Variants in METAP1 observed in about 807,000 individuals in gnomAD.
The protein encoded by METAP1 is methionine aminopeptidase 1.
In METAP1, 28 loss-of-function variants were observed where a neutral mutation model predicts 53.8. That is an observed-to-expected ratio of 0.52 (90% CI 0.39 to 0.71). The LOEUF (loss-of-function observed/expected upper bound fraction) is 0.71, where lower values mean the gene tolerates loss of function less well. METAP1 is among the 30% of genes least tolerant of loss of function. The pLI, the probability that METAP1 is intolerant of heterozygous loss-of-function variation, is 0.00. For missense variants in METAP1, 389 were observed against 479.8 expected, an observed-to-expected ratio of 0.81 and a Z score of 1.77; for synonymous variants, 181 against 165.7, an observed-to-expected ratio of 1.09 and a Z score of -0.71.
intron 4 of METAP1, among the ~76,000 whole-genome samples, chr4:99,038,209 C>G (rs1034262582): frequency 2.6e-5 from 4 of 151,992 alleles, no homozygotes; most frequent in African/African-American, 9.7e-5. Context: ...TCTAGAGATA[C>G]ATAATCACAT....
chr4:99,002,449 G>A (rs951416794), intron 1 of METAP1, among the ~76,000 whole-genome samples: 1 of 152,138 alleles, frequency 6.6e-6, no homozygotes, highest in African/African-American at 2.4e-5. Flanking sequence ...TTTTATTCAT[G>A]CTTGGGCAGG....
chr4:99,000,067 A>G (rs1021512413), intron 1 of METAP1, among the ~76,000 whole-genome samples: 2 of 152,250 alleles, frequency 1.3e-5, no homozygotes. Context: ...ACATGAAAGA[A>G]AAGACATCAG....
At chr4:99,009,515 C>A (rs1723367221) in intron 1 of METAP1, among the ~76,000 whole-genome samples, 1 of 152,118 alleles carries the variant, frequency 6.6e-6, no homozygotes, top group African/African-American at 2.4e-5. Flanking sequence ...CTCCATATCC[C>A]CACCAACATT....
intron 1 of METAP1, among the ~76,000 whole-genome samples, chr4:99,001,511 G>T (rs994766097): frequency 1.2e-4 from 18 of 152,270 alleles, no homozygotes; most frequent in Admixed American, 1.2e-3. Flanking sequence ...TTACAAAAAT[G>T]GCAACCATAA....
chr4:99,005,122 A>T (rs992546660), intron 1 of METAP1, among the ~76,000 whole-genome samples: 6 of 152,312 alleles, frequency 3.9e-5, no homozygotes, highest in Middle Eastern at 3.4e-3. Flanking sequence ...TTGTACTTCA[A>T]AATAAATAAT....
chr4:99,022,762 A>G, intron 1 of METAP1: 1 of 1,602,018 alleles, frequency 6.2e-7, no homozygotes. Context: ...TGTTGTGTAG[A>G]CTGGCCGCCA....
intron 1 of METAP1, among the ~76,000 whole-genome samples, chr4:99,027,450 G>A (rs1398183308): frequency 6.6e-6 from 1 of 152,008 alleles, no homozygotes; most frequent in Admixed American, 6.5e-5. Context: ...GACATGGTTT[G>A]TGAAAAGTCC....
At chr4:98,997,715 C>T (rs1722704256) in intron 1 of METAP1, among the ~76,000 whole-genome samples, 1 of 152,130 alleles carries the variant, frequency 6.6e-6, no homozygotes, top group Non-Finnish European at 1.5e-5. Flanking sequence ...GAAAACAAAA[C>T]ATCTAGGGTT....
chr4:99,061,668 T>G lies in METAP1; in HGVS notation c.*351T>G, dbSNP rs1173647063. ...CAGGTGAACATTGGAAATGAGAATC[T>G]TTGAAACTTAGCAATATGTGTTGCA... On this transcript the variant is annotated 3_prime_UTR_variant, in exon 11 of 11. Transcript: ENST00000296411. 1 of 171,974 alleles carries G rather than the reference T, an allele frequency of 5.8e-6. No individual in the cohort carries two copies. Among genetic ancestry groups the G allele is most frequent in the Non-Finnish European group, 1.2e-5 (1 of 81,404 alleles). 10.7% of individuals were successfully genotyped at this position (171,974 alleles called of 1,614,324 possible). A position where few individuals can be genotyped will look rare whatever the true frequency, so the allele number is the denominator to read the frequency against.
intron 9 of METAP1, among the ~76,000 whole-genome samples, chr4:99,055,109 G>A (rs1727005929): frequency 6.6e-6 from 1 of 151,980 alleles, no homozygotes; most frequent in Non-Finnish European, 1.5e-5. Flanking sequence ...AAAAGCATCT[G>A]GTCAGATGTG....
At chr4:98,997,488 TGTG>T (rs1722694225) in intron 1 of METAP1, 1 of 154,808 alleles carries the variant, frequency 6.5e-6, no homozygotes, top group Admixed American at 6.5e-5. Flanking sequence ...TCTATCTTGT[TGTG>T]GCCTGTGTGG....
At chr4:99,040,921 A>G (rs1414991646) in intron 5 of METAP1, 122 bp from the exon 6 acceptor site, 3 of 352,390 alleles carry the variant, frequency 8.5e-6, no homozygotes, top group African/African-American at 4.3e-5. Flanking sequence ...TATATTTTCT[A>G]TAAAATTATA....
chr4:99,032,019 G>A (rs1004308553), intron 2 of METAP1, among the ~76,000 whole-genome samples: 9 of 152,204 alleles, frequency 5.9e-5, no homozygotes, highest in African/African-American at 2.2e-4. Context: ...ATTCAGATTT[G>A]TTAATGGTCT....
chr4:99,023,050 T>C, intron 1 of METAP1: 1 of 1,386,348 alleles, frequency 7.2e-7, no homozygotes, highest in South Asian at 1.2e-5. Context: ...TTCCTCCTGC[T>C]CCTCCTCCAC....
chr4:99,031,871 T>C (rs1725062694), intron 2 of METAP1, among the ~76,000 whole-genome samples: 1 of 152,254 alleles, frequency 6.6e-6, no homozygotes, highest in African/African-American at 2.4e-5. Context: ...CTTATGACAC[T>C]ACCTGCATTT....
chr4:99,052,353 G>C (rs1726774149), intron 9 of METAP1, among the ~76,000 whole-genome samples: 1 of 152,120 alleles, frequency 6.6e-6, no homozygotes, highest in Admixed American at 6.5e-5. Flanking sequence ...TAGAATTCTT[G>C]TTAGAACCTG....
At chr4:99,009,817 AG>A (rs748315704) in intron 1 of METAP1, among the ~76,000 whole-genome samples, 3 of 152,160 alleles carry the variant, frequency 2.0e-5, no homozygotes, top group Non-Finnish European at 2.9e-5. Flanking sequence ...CCTATTCCAT[AG>A]GTTACCTTTT....
chr4:99,038,345 C>T (rs1369558281), intron 4 of METAP1, among the ~76,000 whole-genome samples: 1 of 151,790 alleles, frequency 6.6e-6, no homozygotes, highest in African/African-American at 2.4e-5. Flanking sequence ...AGTGGGCATT[C>T]TGTAATGTTG....
chr4:99,035,018 T>C (rs1371169090), intron 3 of METAP1, among the ~76,000 whole-genome samples: 1 of 152,120 alleles, frequency 6.6e-6, no homozygotes, highest in African/African-American at 2.4e-5. Flanking sequence ...TTTGGAAAAA[T>C]AGGAAAAGCA....
Sources: allele counts gnomAD v4.1 joint callset (sites outside exome capture counted in the v4.1 genomes callset), GRCh38; gene constraint gnomAD v4.1.1; transcripts MANE v1.5; gene names NCBI Gene and HGNC (gene_info 2026-07-23, HGNC 2026-07-21).